The following CHST8 variants were observed in gnomAD, a reference collection of about 807,000 sequenced individuals.
The protein encoded by CHST8 is GALNAC-4-ST1.
In CHST8, 10 loss-of-function variants were observed where a neutral mutation model predicts 15.0. The ratio of observed to expected loss-of-function variants is 0.67; its 90% CI spans 0.41 to 1.13. The LOEUF (loss-of-function observed/expected upper bound fraction) is 1.13. CHST8 is among the 50% of genes most tolerant of loss of function. The pLI, the probability that CHST8 is intolerant of heterozygous loss-of-function variation, is 0.00. For synonymous variants in CHST8, 259 were observed against 256.6 expected, an observed-to-expected ratio of 1.01 and a Z score of -0.09; for missense variants, 634 against 608.2, an observed-to-expected ratio of 1.04 and a Z score of -0.45.
At chr19:33,766,244 C>T (rs1372335453) in intron 3 of CHST8, among the ~76,000 whole-genome samples, 1 of 152,006 alleles carries the variant, frequency 6.6e-6, no homozygotes, top group Non-Finnish European at 1.5e-5. Flanking sequence ...CTCTCTTTCT[C>T]TCCGTCTCTT....
intron 1 of CHST8, among the ~76,000 whole-genome samples, chr19:33,648,783 A>G (rs1254354059): frequency 6.6e-6 from 1 of 151,814 alleles, no homozygotes; most frequent in Non-Finnish European, 1.5e-5. Flanking sequence ...CTTTATTAAT[A>G]ATCGCCAAAA....
intron 1 of CHST8, among the ~76,000 whole-genome samples, chr19:33,637,237 C>G (rs973434011): frequency 2.0e-5 from 3 of 152,126 alleles, no homozygotes; most frequent in Admixed American, 6.5e-5. Flanking sequence ...TGCTGACCTC[C>G]TATCTCATCC....
At chr19:33,629,508 G>A (rs1972096731) in intron 1 of CHST8, among the ~76,000 whole-genome samples, 2 of 152,390 alleles carry the variant, frequency 1.3e-5, no homozygotes, top group South Asian at 4.1e-4. Flanking sequence ...TCCTGTGGCT[G>A]TCTGCAGCAC....
chr19:33,733,935 C>A (rs1974037738), intron 3 of CHST8, among the ~76,000 whole-genome samples: 1 of 152,224 alleles, frequency 6.6e-6, no homozygotes, highest in South Asian at 2.1e-4. Context: ...ATCTATGAGG[C>A]AAGCCTCCTC....
chr19:33,733,606 C>G (rs1331860285), intron 3 of CHST8, among the ~76,000 whole-genome samples: 1 of 152,200 alleles, frequency 6.6e-6, no homozygotes, highest in Non-Finnish European at 1.5e-5. Flanking sequence ...TTCAAACTTA[C>G]TTTGGGATCC....
chr19:33,708,691 AT>A (rs1270467822), intron 3 of CHST8, among the ~76,000 whole-genome samples: 1 of 152,202 alleles, frequency 6.6e-6, no homozygotes, highest in African/African-American at 2.4e-5. Flanking sequence ...TTTCAAAACC[AT>A]TTTGGGTATT....
intron 2 of CHST8, among the ~76,000 whole-genome samples, chr19:33,687,578 G>C (rs933108354): frequency 3.1e-4 from 47 of 152,318 alleles, no homozygotes; most frequent in African/African-American, 1.1e-3. Flanking sequence ...AGTCCAGATA[G>C]CCCAGCGTCA....
chr19:33,695,282 A>G (rs979238666), intron 3 of CHST8, among the ~76,000 whole-genome samples: 12 of 152,144 alleles, frequency 7.9e-5, no homozygotes, highest in African/African-American at 2.9e-4. Flanking sequence ...GTCTAGTTTG[A>G]GACAATGTGC....
intron 1 of CHST8, among the ~76,000 whole-genome samples, chr19:33,658,395 A>G (rs73589010): frequency 0.03 from 4,606 of 152,318 alleles, 209 homozygotes; most frequent in African/African-American, 0.099. Context: ...AAATTATACC[A>G]ATGTTCATGT....
chr19:33,717,321 C>T (rs867184937), intron 3 of CHST8, among the ~76,000 whole-genome samples: 2 of 152,032 alleles, frequency 1.3e-5, no homozygotes, highest in Non-Finnish European at 2.9e-5. Flanking sequence ...ATTAGCCAGG[C>T]GTGGTGGTGC....
At chr19:33,766,315 G>A (rs982794093) in intron 3 of CHST8, among the ~76,000 whole-genome samples, 10 of 151,692 alleles carry the variant, frequency 6.6e-5, no homozygotes, top group African/African-American at 2.4e-4. Flanking sequence ...TAACTAGCAT[G>A]CCACCCCCCC....
intron 2 of CHST8, among the ~76,000 whole-genome samples, chr19:33,681,242 C>A (rs114784108): frequency 1.7e-3 from 256 of 152,322 alleles, no homozygotes; most frequent in Middle Eastern, 0.01. Flanking sequence ...TCAGGAGTAG[C>A]CCAGGTGGAA....
At chr19:33,757,391 A>G (rs1439831600) in intron 3 of CHST8, among the ~76,000 whole-genome samples, 5 of 4,910 alleles carry the variant, frequency 1.0e-3, no homozygotes, top group African/African-American at 2.0e-3. Context: ...AAAAAAGAAG[A>G]AAGAAAGAAA....
chr19:33,713,673 CT>C (rs1358467899), intron 3 of CHST8, among the ~76,000 whole-genome samples: 2 of 152,142 alleles, frequency 1.3e-5, no homozygotes, highest in East Asian at 3.9e-4. Flanking sequence ...TCAAGTGCCC[CT>C]GTCTACCTCC....
intron 3 of CHST8, among the ~76,000 whole-genome samples, chr19:33,751,159 G>A (rs1467074258): frequency 6.6e-6 from 1 of 152,186 alleles, no homozygotes; most frequent in Non-Finnish European, 1.5e-5. Flanking sequence ...GTTGGGGATG[G>A]CGGGGCAGGG....
intron 1 of CHST8, among the ~76,000 whole-genome samples, chr19:33,649,394 G>T (rs1375763606): frequency 2.6e-5 from 4 of 152,124 alleles, no homozygotes; most frequent in Admixed American, 2.6e-4. Context: ...TTAGAAAGGA[G>T]AACTTTATTT....
intron 2 of CHST8, among the ~76,000 whole-genome samples, chr19:33,672,855 G>A (rs1036221386): frequency 2.6e-5 from 4 of 152,292 alleles, no homozygotes; most frequent in African/African-American, 7.2e-5. Context: ...TTTCTGAGCC[G>A]CCAAGAAAGA....
chr19:33,707,935 T>C (rs577735503), intron 3 of CHST8, among the ~76,000 whole-genome samples: 5 of 152,350 alleles, frequency 3.3e-5, no homozygotes, highest in African/African-American at 1.2e-4. Flanking sequence ...ATCTGTCTTT[T>C]TAATTATAGC....
chr19:33,749,128 C>T (rs1974367025), intron 3 of CHST8, among the ~76,000 whole-genome samples: 1 of 152,140 alleles, frequency 6.6e-6, no homozygotes, highest in Non-Finnish European at 1.5e-5. Flanking sequence ...GCAAAAGCAG[C>T]TATGTCCGGG....
Sources: gnomAD v4.1 joint callset for allele counts (sites outside exome capture counted in the v4.1 genomes callset) on GRCh38, gnomAD v4.1.1 for gene constraint, MANE v1.5 for transcripts, NCBI Gene and HGNC (gene_info 2026-07-23, HGNC 2026-07-21) for gene names.